The following ADGRF5 variants were observed in gnomAD, a reference collection of about 807,000 sequenced individuals.
ADGRF5 encodes the protein G-protein coupled receptor 116.
ADGRF5 carries 75 observed loss-of-function variants against 132.3 expected under a neutral mutation model. The observed-to-expected ratio is 0.57, with a 90% CI of 0.47 to 0.69. The LOEUF (loss-of-function observed/expected upper bound fraction) is 0.69. Among genes scored for constraint, ADGRF5 ranks in the 30% least tolerant of loss-of-function variants. ADGRF5 has a pLI of 0.00. For synonymous variants in ADGRF5, 629 were observed against 597.6 expected (o/e 1.05, Z -0.77); for missense variants, 1,516 against 1,630.6 (o/e 0.93, Z 1.21).
Position 46,859,448 on chromosome 6 carries a change from T to A in ADGRF5, c.2455A>T (p.Thr819Ser). Residue 819 changes from threonine (T) to serine (S), a missense_variant, in exon 17 of 21, where the codon ACC (threonine) becomes TCC (serine). Physicochemically the swap from Thr to Ser is moderately conservative, Grantham distance 58 (BLOSUM62 1). This residue lies in a region of ADGRF5 where 571 missense variants were observed against 701.2 expected (regional missense o/e 0.81). Coordinates refer to ENST00000283296, the MANE Select transcript of ADGRF5 (RefSeq NM_001098518.2). ...NTWKVLQQQW[T>S]NQSSQLLHSV... ...TGTAGTAGCTGTGAACTCTGATTGG[T>A]CCATTGCTGTTGTAAAACCTTCCAG... 1 of 1,613,500 alleles carries A rather than the reference T, an allele frequency of 6.2e-7. No homozygotes were observed. The highest frequency in any genetic ancestry group is 8.5e-7 in the Non-Finnish European group (1 of 1,179,414).
intron 1 of ADGRF5, among the ~76,000 whole-genome samples, chr6:46,919,745 C>T (rs7752170): frequency 2.6e-5 from 4 of 152,294 alleles, no homozygotes; most frequent in Admixed American, 2.0e-4. Context: ...TTTTACAGAA[C>T]GTCCAAAATC....
chr6:46,880,921 T>C (rs893469750), intron 8 of ADGRF5, among the ~76,000 whole-genome samples: 1 of 151,388 alleles, frequency 6.6e-6, no homozygotes, highest in Non-Finnish European at 1.5e-5. Context: ...TGAGGTCCCA[T>C]CTCTACAAAA....
At chr6:46,941,466 GAAAGAAAAGA>G (rs138829946) in intron 1 of ADGRF5, among the ~76,000 whole-genome samples, 1 of 28,008 alleles carries the variant, frequency 3.6e-5, no homozygotes, top group Non-Finnish European at 9.3e-5. Flanking sequence ...GAAAAGAAAA[GAAAGAAAAGA>G]AAAGAAAAGA....
In ADGRF5 at chr6:46,853,934, C is replaced by G. The variant is rs1768745951; in HGVS notation, c.*58G>C. Reference sequence around the variant, plus strand: ...GTTCCCCATTGCTTTGCAAGCATCTCTTTTTAAAAGCACAGCCACTGTCCC... The same window carrying G: ...GTTCCCCATTGCTTTGCAAGCATCTGTTTTTAAAAGCACAGCCACTGTCCC... On this transcript the variant is annotated 3_prime_UTR_variant, in exon 21 of 21. Coordinates refer to ENST00000283296, the MANE Select transcript of ADGRF5 (RefSeq NM_001098518.2). The G allele has an allele frequency of 6.5e-6, 8 of 1,231,608 alleles. No homozygotes were observed. The highest frequency in any genetic ancestry group is 9.3e-6 in the Non-Finnish European group (8 of 859,472). The allele number at this position is 1,231,608 out of a possible 1,614,324, so 76.3% of individuals were successfully genotyped here. A position where few individuals can be genotyped will look rare whatever the true frequency, so the allele number is the denominator to read the frequency against.
upstream of ADGRF5, chr6:46,922,046 C>A (rs1369800813): frequency 6.6e-6 from 1 of 152,240 alleles, no homozygotes; most frequent in Non-Finnish European, 1.5e-5. Flanking sequence ...TCCTTCAGAT[C>A]CTTCTTATCT....
Position 46,863,207 on chromosome 6 carries a change from C to T in ADGRF5, c.1991-111G>A, listed in dbSNP as rs977409384. 3.1e-5 allele frequency: 26 copies of T among 845,632 alleles called. No homozygotes were observed. The African/African-American group carries it at 4.3e-4, about 14-fold the overall frequency. 52.4% of individuals were successfully genotyped at this position (845,632 alleles called of 1,614,324 possible). A position where few individuals can be genotyped will look rare whatever the true frequency, so the allele number is the denominator to read the frequency against. ...ATGTTTGAATTCACATTTACCTTTA[C>T]TTTCCGTCACCTTTTCAGAACTACC... On this transcript the variant is annotated intron_variant, in intron 14 of 20. Coordinates refer to ENST00000283296, the MANE Select transcript of ADGRF5 (RefSeq NM_001098518.2).
chr6:46,893,330 T>C (rs1270591752), intron 3 of ADGRF5, among the ~76,000 whole-genome samples: 1 of 152,072 alleles, frequency 6.6e-6, no homozygotes, highest in Non-Finnish European at 1.5e-5. Context: ...AGTATCATGG[T>C]CCTATAGGCA....
intron 3 of ADGRF5, among the ~76,000 whole-genome samples, chr6:46,890,166 C>A (rs752308853): frequency 4.5e-4 from 69 of 152,160 alleles, no homozygotes; most frequent in Non-Finnish European, 7.4e-4. Context: ...GACCTTGGCT[C>A]ACTGTGACCT....
chr6:46,858,894 A>G lies in ADGRF5; in HGVS notation c.3009T>C (p.Asp1003=). ...FSILMSPDSP[D]PSSLLGILLD... ...GGAGTATTCCCAGGAGAGAACTAGG[A>G]TCTGGGGAGTCAGGGGACATGAGGA... Residue 1003 remains aspartate (D), a synonymous_variant, in exon 17 of 21, where the codon GAT becomes GAC. Transcript: ENST00000283296. 1 of 1,614,112 alleles carries G rather than the reference A, an allele frequency of 6.2e-7. No individual in the cohort carries two copies. Among genetic ancestry groups the G allele is most frequent in the Non-Finnish European group, 8.5e-7 (1 of 1,179,986 alleles).
At chr6:46,895,808 T>A (rs1439301835) in intron 3 of ADGRF5, among the ~76,000 whole-genome samples, 1 of 151,686 alleles carries the variant, frequency 6.6e-6, no homozygotes, top group East Asian at 2.0e-4. Context: ...ATAAGAAACA[T>A]CCACTTTCAT....
intron 1 of ADGRF5, among the ~76,000 whole-genome samples, chr6:46,949,668 A>G (rs1378542879): frequency 7.2e-5 from 11 of 152,210 alleles, no homozygotes; most frequent in Non-Finnish European, 1.6e-4. Context: ...CTAGGAACCC[A>G]TATCCATGTA....
intron 1 of ADGRF5, among the ~76,000 whole-genome samples, chr6:46,914,432 T>C (rs542020995): frequency 5.7e-4 from 87 of 152,292 alleles, no homozygotes; most frequent in African/African-American, 2.0e-3. Flanking sequence ...CAATAACAAT[T>C]AAAGAACTGC....
chr6:46,917,358 C>T (rs1776508013), intron 1 of ADGRF5, among the ~76,000 whole-genome samples: 2 of 152,200 alleles, frequency 1.3e-5, no homozygotes, highest in South Asian at 2.1e-4. Flanking sequence ...ATGTGGATCA[C>T]TTTTCAGCAC....
intron 19 of ADGRF5, among the ~76,000 whole-genome samples, 173 bp downstream of exon 19, chr6:46,856,545 A>C (rs1769068792): frequency 6.6e-6 from 1 of 152,228 alleles, no homozygotes; most frequent in African/African-American, 2.4e-5. Context: ...AAGCAAAAAC[A>C]ATGGAATGAT....
chr6:46,878,000 G>A (rs541261395), intron 10 of ADGRF5, among the ~76,000 whole-genome samples: 7 of 152,204 alleles, frequency 4.6e-5, no homozygotes, highest in African/African-American at 1.2e-4. Context: ...ACCAAAGCAC[G>A]ACACTTGTGT....
At chr6:46,883,828 G>C (rs1004190944) in intron 5 of ADGRF5, among the ~76,000 whole-genome samples, 163 bp from the exon 6 acceptor site, 5 of 152,198 alleles carry the variant, frequency 3.3e-5, no homozygotes, top group African/African-American at 1.2e-4. Flanking sequence ...TGCAACCTCT[G>C]CTTCCCAGGT....
Position 46,859,981 on chromosome 6 carries a change from C to T in ADGRF5, c.2380-458G>A, listed in dbSNP as rs142258216. Among the ~76,000 whole-genome samples, 1,493 of 152,216 alleles carry T rather than the reference C, an allele frequency of 9.8e-3. 27 individuals are homozygous for T. The highest frequency in any genetic ancestry group is 0.034 in the African/African-American group (1,418 of 41,504). The stretch of plus-strand genomic sequence containing the variant: ...CCTGTAATCCCAGCTACTTGGGAGG[C>T]TGAAGCAGGAGAATTGCTTGGACCT... On this transcript the variant is annotated intron_variant, in intron 16 of 20. Transcript: ENST00000283296.
intron 10 of ADGRF5, among the ~76,000 whole-genome samples, 172 bp from the exon 11 acceptor site, chr6:46,872,185 T>G (rs1771147758): frequency 6.6e-6 from 1 of 152,224 alleles, no homozygotes. Context: ...GTATCCAGGT[T>G]GCCTGGCTTC....
Position 46,877,291 on chromosome 6 carries a change from C to CTTTCTTTCTT in ADGRF5, c.1240+910_1240+911insAAGAAAGAAA, listed in dbSNP as rs780750764. Among the ~76,000 whole-genome samples, 345 of 62,174 alleles carry CTTTCTTTCTT rather than the reference C, an allele frequency of 5.5e-3. 1 individual carries two copies. The highest frequency in any genetic ancestry group is 9.9e-3 in the African/African-American group (160 of 16,122). The allele number at this position is 62,174 out of a possible 152,430, so 40.8% of individuals were successfully genotyped here. A position where few individuals can be genotyped will look rare whatever the true frequency, so the allele number is the denominator to read the frequency against. On this transcript the variant is annotated intron_variant, in intron 10 of 20. Transcript: ENST00000283296. ...TCTTTCTTTCTTTCTTTCTTTCTTT[C>CTTTCTTTCTT]TCTCTCTCTCTCTCTTTCCTTCCTT...
Sources: gnomAD v4.1 joint callset for allele counts (sites outside exome capture counted in the v4.1 genomes callset) on GRCh38, gnomAD v4.1.1 for gene constraint, gnomAD v4.1.1 regional missense constraint, MANE v1.5 for transcripts, NCBI Gene and HGNC (gene_info 2026-07-23, HGNC 2026-07-21) for gene names.